SYN3: variants seen among roughly 807,000 people sequenced by gnomAD.
SYN3 encodes the protein synapsin-3.
SYN3 carries 35 observed loss-of-function variants against 65.8 expected under a neutral mutation model. The observed-to-expected ratio is 0.53, with a 90% confidence interval of 0.41 to 0.70. The LOEUF (loss-of-function observed/expected upper bound fraction) is 0.70. Ranked by LOEUF, SYN3 falls within the 30% of genes least tolerant of loss-of-function variation. The probability of loss-of-function intolerance (pLI) is 0.00; values close to 1 mark genes in which losing one functional copy is unlikely to be tolerated. For synonymous variants in SYN3, 270 were observed against 292.9 expected, an observed-to-expected ratio of 0.92 and a Z score of 0.80; for missense variants, 680 against 749.0, an observed-to-expected ratio of 0.91 and a Z score of 1.08.
At chr22:32,686,088 T>C (rs992837576) in intron 6 of SYN3, among the ~76,000 whole-genome samples, 33 of 152,352 alleles carry the variant, frequency 2.2e-4, no homozygotes, top group African/African-American at 7.2e-4. Context: ...TTTATAATGT[T>C]AATTTTTATT....
rs140989134 is a variant in SYN3, at chr22:32,507,844, A to G, written c.*5848T>C. 8.7e-3 allele frequency among the ~76,000 whole-genome samples: 1,320 copies of G among 152,006 alleles called. 26 individuals are homozygous for G. The highest frequency in any genetic ancestry group is 0.03 in the African/African-American group (1,227 of 41,360). The stretch of plus-strand genomic sequence containing the variant: ...CAGGCCGTCACCAATCATTCTACAC[A>G]ACAAATGTTTCTTCTAACATCCCCA... On this transcript the variant is annotated 3_prime_UTR_variant, in exon 14 of 14. Coordinates refer to ENST00000358763, the MANE Select transcript of SYN3 (RefSeq NM_003490.4).
chr22:32,988,987 G>T (rs1390711403), intron 2 of SYN3, among the ~76,000 whole-genome samples: 1 of 132,062 alleles, frequency 7.6e-6, no homozygotes, highest in Non-Finnish European at 1.7e-5. Flanking sequence ...GGGATAAGAA[G>T]ATCTACTCAC....
chr22:32,646,866 G>C (rs1330735320), intron 6 of SYN3, among the ~76,000 whole-genome samples: 1 of 152,200 alleles, frequency 6.6e-6, no homozygotes, highest in Non-Finnish European at 1.5e-5. Context: ...ATTCCAGATG[G>C]AGCAGCTGAA....
intron 6 of SYN3, among the ~76,000 whole-genome samples, chr22:32,750,435 C>G (rs1011477744): frequency 6.6e-6 from 1 of 152,176 alleles, no homozygotes; most frequent in Non-Finnish European, 1.5e-5. Context: ...TCTATTAGAG[C>G]TCTTATTGCC....
intron 7 of SYN3, among the ~76,000 whole-genome samples, chr22:32,566,079 G>T (rs1180402885): frequency 6.6e-6 from 1 of 152,058 alleles, no homozygotes; most frequent in Non-Finnish European, 1.5e-5. Flanking sequence ...CTGACCTAAA[G>T]TGATCCTCCT....
intron 11 of SYN3, among the ~76,000 whole-genome samples, chr22:32,528,657 AAG>A (rs2058021587): frequency 6.6e-6 from 1 of 151,996 alleles, no homozygotes; most frequent in Non-Finnish European, 1.5e-5. Flanking sequence ...CAGGATGGTG[AAG>A]AAGGGAAGGG....
intron 13 of SYN3, among the ~76,000 whole-genome samples, chr22:32,515,988 T>TG (rs1568993357): frequency 6.6e-6 from 1 of 152,042 alleles, no homozygotes; most frequent in East Asian, 1.9e-4. Context: ...TTAGGAGAGA[T>TG]GGGGTTTCAC....
In SYN3 at chr22:32,565,352, C is replaced by G. The variant is rs191272192; in HGVS notation, c.775-23639G>C. On this transcript the variant is annotated intron_variant, in intron 7 of 13. Coordinates refer to ENST00000358763, the MANE Select transcript of SYN3 (RefSeq NM_003490.4). ...CCAGTGAGAGTCACATGTATAATTA[C>G]AAGTTTTCTATTAGCCACATTAAAA... 7.0e-4 allele frequency among the ~76,000 whole-genome samples: 107 copies of G among 152,072 alleles called. 2 individuals carry two copies. Among genetic ancestry groups the G allele is most frequent in the South Asian group, 6.0e-3 (29 of 4,816 alleles).
At chr22:32,753,304 C>T (rs1042191295) in intron 6 of SYN3, among the ~76,000 whole-genome samples, 2 of 152,000 alleles carry the variant, frequency 1.3e-5, no homozygotes, top group African/African-American at 4.8e-5. Flanking sequence ...CTTCCTAGTC[C>T]CAGGGAACAA....
At chr22:32,670,792 C>G (rs895354011) in intron 6 of SYN3, among the ~76,000 whole-genome samples, 2 of 152,206 alleles carry the variant, frequency 1.3e-5, no homozygotes, top group Non-Finnish European at 2.9e-5. Flanking sequence ...TTGTATATAA[C>G]GAGCATGTGC....
chr22:32,761,939 C>A (rs1219304616), intron 6 of SYN3, among the ~76,000 whole-genome samples: 3 of 152,202 alleles, frequency 2.0e-5, no homozygotes, highest in South Asian at 2.1e-4. Flanking sequence ...CGGGGTCCTG[C>A]GGGGCTTGTG....
intron 1 of SYN3, among the ~76,000 whole-genome samples, chr22:33,050,598 G>A (rs1392844571): frequency 1.3e-5 from 2 of 152,134 alleles, no homozygotes; most frequent in African/African-American, 4.8e-5. Context: ...CAGACAGTGA[G>A]TGGATAAGCT....
chr22:32,760,557 T>C (rs542842959), intron 6 of SYN3, among the ~76,000 whole-genome samples: 20 of 151,764 alleles, frequency 1.3e-4, no homozygotes, highest in African/African-American at 4.3e-4. Context: ...TCAGGGGAGG[T>C]TGACAGAAGG....
chr22:32,574,954 G>A (rs771422898), intron 7 of SYN3, among the ~76,000 whole-genome samples: 6 of 152,170 alleles, frequency 3.9e-5, no homozygotes, highest in Non-Finnish European at 5.9e-5. Flanking sequence ...TTTTAAACTC[G>A]CAAATGTATT....
chr22:33,006,817 T>C lies in SYN3; in HGVS notation c.-155A>G. On this transcript the variant is annotated 5_prime_UTR_variant, in exon 2 of 14. Coordinates refer to ENST00000358763, the MANE Select transcript of SYN3 (RefSeq NM_003490.4). The stretch of plus-strand genomic sequence containing the variant: ...CAGCAGTCAGCTTTAGCTGCCTTTA[T>C]TTACCTGCTGGAAATAAGCCAACAA... 1 of 633,644 alleles carries C rather than the reference T, an allele frequency of 1.6e-6. No homozygotes were observed. The highest frequency in any genetic ancestry group is 2.6e-6 in the Non-Finnish European group (1 of 383,004). 39.3% of individuals were successfully genotyped at this position (633,644 alleles called of 1,614,324 possible).
At chr22:32,676,483 A>G (rs1271393706) in intron 6 of SYN3, among the ~76,000 whole-genome samples, 1 of 151,176 alleles carries the variant, frequency 6.6e-6, no homozygotes, top group African/African-American at 2.4e-5. Context: ...TCTCCAGACA[A>G]ACACCAATCA....
At chr22:33,012,505 T>C (rs1444762412) in intron 1 of SYN3, among the ~76,000 whole-genome samples, 1 of 152,232 alleles carries the variant, frequency 6.6e-6, no homozygotes, top group Non-Finnish European at 1.5e-5. Flanking sequence ...TCTACAAATA[T>C]TACTTAGACT....
At position 33,021,854 on chromosome 22, in the gene SYN3, G is replaced by A. The variant is rs575859192; in HGVS notation, c.-162-15030C>T. Among the ~76,000 whole-genome samples the A allele has an allele frequency of 1.1e-4, 17 of 151,448 alleles. No individual in the cohort carries two copies. In the South Asian group the frequency reaches 3.1e-3, roughly 28 times the overall value. Reference sequence around the variant, plus strand: ...ATAGAATGTAAGCTCCCCAGGGAGAGAGACCATCGTCTGACTTGTCCACTG... The same window carrying A: ...ATAGAATGTAAGCTCCCCAGGGAGAAAGACCATCGTCTGACTTGTCCACTG... On this transcript the variant is annotated intron_variant, in intron 1 of 13. Transcript: ENST00000358763.
intron 2 of SYN3, among the ~76,000 whole-genome samples, chr22:32,982,573 T>C (rs2052402920): frequency 6.6e-6 from 1 of 152,264 alleles, no homozygotes; most frequent in Non-Finnish European, 1.5e-5. Context: ...ATTGTTTTCA[T>C]ACTATTTATT....
Sources: gnomAD v4.1 joint callset for allele counts (sites outside exome capture counted in the v4.1 genomes callset) on GRCh38, gnomAD v4.1.1 for gene constraint, MANE v1.5 for transcripts, NCBI Gene and HGNC (gene_info 2026-07-23, HGNC 2026-07-21) for gene names.